Variants in ZYG11B observed in about 807,000 individuals in gnomAD.
ZYG11B encodes the protein zyg-11 family member B, cell cycle regulator, also known as protein zyg-11 homolog B.
A neutral mutation model predicts 82.4 loss-of-function variants in ZYG11B; 36 were observed. The observed-to-expected ratio is 0.44, with a 90% confidence interval of 0.33 to 0.58. ZYG11B has a LOEUF of 0.58. ZYG11B is among the 20% of genes least tolerant of loss of function. The probability of loss-of-function intolerance (pLI) is 0.02; values close to 1 mark genes in which losing one functional copy is unlikely to be tolerated. For missense variants in ZYG11B, 552 were observed against 895.6 expected (o/e 0.62, Z 4.90); for synonymous variants, 303 against 312.8 (o/e 0.97, Z 0.33).
intron 3 of ZYG11B, among the ~76,000 whole-genome samples, chr1:52,778,892 T>C (rs1468633895): frequency 1.3e-5 from 2 of 152,162 alleles, no homozygotes; most frequent in Non-Finnish European, 2.9e-5. Context: ...GATACATTTA[T>C]TTGATGAATA....
intron 1 of ZYG11B, among the ~76,000 whole-genome samples, chr1:52,729,835 G>A (rs1287170001): frequency 1.3e-5 from 2 of 151,942 alleles, no homozygotes; most frequent in African/African-American, 2.4e-5. Context: ...TTGAGGCAGG[G>A]TCTTGCTCTG....
At chr1:52,772,614 G>T in intron 3 of ZYG11B, 1 of 1,199,188 alleles carries the variant, frequency 8.3e-7, no homozygotes, top group Non-Finnish European at 1.2e-6. Context: ...AGCCGACTGG[G>T]ACAGGCCCTT....
At chr1:52,807,545 A>T (rs1484946818) in intron 10 of ZYG11B, among the ~76,000 whole-genome samples, 1 of 144,900 alleles carries the variant, frequency 6.9e-6, no homozygotes, top group Non-Finnish European at 1.5e-5. Context: ...AGGCTGGAGT[A>T]CAGTGGCATG....
At chr1:52,752,310 T>C (rs1571750654) in intron 1 of ZYG11B, among the ~76,000 whole-genome samples, 1 of 152,180 alleles carries the variant, frequency 6.6e-6, no homozygotes, top group East Asian at 1.9e-4. Flanking sequence ...AAGAGATACA[T>C]AGGGCAACCT....
chr1:52,742,709 G>A (rs1166302123), intron 1 of ZYG11B, among the ~76,000 whole-genome samples: 1 of 151,718 alleles, frequency 6.6e-6, no homozygotes, highest in African/African-American at 2.4e-5. Context: ...GGGCGTGGTT[G>A]CAGGCGCCTG....
chr1:52,767,663 G>T (rs540204277), intron 2 of ZYG11B, among the ~76,000 whole-genome samples: 10 of 152,240 alleles, frequency 6.6e-5, no homozygotes, highest in South Asian at 2.1e-4. Context: ...CCAAGGTGCA[G>T]GGCTATGCAG....
chr1:52,782,073 G>A (rs932993171), intron 4 of ZYG11B, among the ~76,000 whole-genome samples: 1 of 151,702 alleles, frequency 6.6e-6, no homozygotes, highest in Non-Finnish European at 1.5e-5. Flanking sequence ...TTATTTATTT[G>A]TTTATTTATT....
intron 6 of ZYG11B, among the ~76,000 whole-genome samples, chr1:52,790,383 TAGAG>T (rs1644946024): frequency 6.6e-6 from 1 of 152,132 alleles, no homozygotes; most frequent in South Asian, 2.1e-4. Flanking sequence ...AAGGCATATA[TAGAG>T]ATTCATTGTC....
chr1:52,806,497 T>C (rs1392182754), intron 10 of ZYG11B, among the ~76,000 whole-genome samples: 2 of 152,196 alleles, frequency 1.3e-5, no homozygotes, highest in African/African-American at 4.8e-5. Flanking sequence ...TTTGAAACTG[T>C]ATTATTAGAT....
chr1:52,756,468 C>T lies in ZYG11B; in HGVS notation c.41C>T (p.Ser14Phe), dbSNP rs1234542259. 4 of 1,609,394 alleles carry T rather than the reference C, an allele frequency of 2.5e-6. No homozygotes were observed. The highest frequency in any genetic ancestry group is 2.7e-5 in the African/African-American group (2 of 74,764). ...DQAGAAMEEA[S>F]PYSLLDICLN... ...TCCCTGGGCTCCAAGGAGGAGGCGT[C>T]TCCCTATTCCTTACTTGATATCTGC... Residue 14 changes from serine to phenylalanine, a missense_variant, in exon 2 of 14, where the codon TCT becomes TTT. Coordinates refer to ENST00000294353, the MANE Select transcript of ZYG11B (RefSeq NM_024646.3).
chr1:52,729,809 G>T (rs1930305), intron 1 of ZYG11B, among the ~76,000 whole-genome samples: 95,342 of 151,766 alleles, frequency 0.63, 31,957 homozygotes, highest in East Asian at 0.97. Flanking sequence ...CCTGAGAGGT[G>T]GCAGTTCTTT....
chr1:52,797,745 G>T (rs987922925), intron 8 of ZYG11B, among the ~76,000 whole-genome samples: 11 of 151,156 alleles, frequency 7.3e-5, no homozygotes, highest in African/African-American at 2.7e-4. Context: ...TCCTGACCTT[G>T]TGATCCGCCC....
chr1:52,814,183 G>A (rs1254329009), intron 12 of ZYG11B, among the ~76,000 whole-genome samples: 2 of 152,050 alleles, frequency 1.3e-5, no homozygotes, highest in Non-Finnish European at 2.9e-5. Flanking sequence ...ACCACGCCCC[G>A]CTAATTTTTG....
At chr1:52,795,147 A>G (rs1330630694) in intron 6 of ZYG11B, among the ~76,000 whole-genome samples, 1 of 152,074 alleles carries the variant, frequency 6.6e-6, no homozygotes, top group Non-Finnish European at 1.5e-5. Flanking sequence ...AGGTGATTGG[A>G]TCATGGGGGT....
At chr1:52,748,661 G>C (rs763851517) in intron 1 of ZYG11B, among the ~76,000 whole-genome samples, 1 of 151,374 alleles carries the variant, frequency 6.6e-6, no homozygotes, top group Non-Finnish European at 1.5e-5. Flanking sequence ...TCAGGAATTC[G>C]AGAGTAGCCT....
Position 52,776,229 on chromosome 1 carries a change from A to ATATATATATATATATATATATATAT in ZYG11B, c.952-3624_952-3623insTATATATATATATATATATATATAT, listed in dbSNP as rs1553260250. 1.3e-3 allele frequency among the ~76,000 whole-genome samples: 30 copies of ATATATATATATATATATATATATAT among 23,540 alleles called. 3 individuals are homozygous for ATATATATATATATATATATATATAT. The highest frequency in any genetic ancestry group is 3.1e-3 in the Non-Finnish European group (27 of 8,660). 15.4% of individuals were successfully genotyped at this position (23,540 alleles called of 152,430 possible). ...AGCAAAACTCTGTCTTAAAAAAAAA[A>ATATATATATATATATATATATATAT]ATATATATATATATATGCAATAAAG... On this transcript the variant is annotated intron_variant, in intron 3 of 13. Transcript: ENST00000294353.
rs1252436417 is a variant in ZYG11B at position 52,762,979 on chromosome 1, G to A, written c.196+6356G>A. Reference sequence around the variant, plus strand: ...GGTTTTTGTAAAGGTGAGAGATTGGGGGGGGGGGGTCTAGTTTCATTCTTT... The same window carrying A: ...GGTTTTTGTAAAGGTGAGAGATTGGAGGGGGGGGGTCTAGTTTCATTCTTT... On this transcript the variant is annotated intron_variant, in intron 2 of 13. Transcript: ENST00000294353. Among the ~76,000 whole-genome samples, 15 of 130,364 alleles carry A rather than the reference G, an allele frequency of 1.2e-4. 2 individuals are homozygous for A. Among genetic ancestry groups the A allele is most frequent in the South Asian group, 1.0e-3 (4 of 3,892 alleles). 85.5% of individuals were successfully genotyped at this position (130,364 alleles called of 152,430 possible).
intron 2 of ZYG11B, among the ~76,000 whole-genome samples, chr1:52,762,556 G>A (rs1417108312): frequency 1.3e-5 from 2 of 151,658 alleles, no homozygotes; most frequent in Non-Finnish European, 2.9e-5. Context: ...TGAATGTCCT[G>A]AAGTGTTTCC....
chr1:52,753,919 CAG>C (rs1304196835), intron 1 of ZYG11B, among the ~76,000 whole-genome samples: 2 of 152,000 alleles, frequency 1.3e-5, no homozygotes, highest in Admixed American at 6.6e-5. Context: ...TTACTAGAGA[CAG>C]GGTTTTACCA....
Sources: gnomAD v4.1 joint callset for allele counts (sites outside exome capture counted in the v4.1 genomes callset) on GRCh38, gnomAD v4.1.1 for gene constraint, MANE v1.5 for transcripts, NCBI Gene and HGNC (gene_info 2026-07-23, HGNC 2026-07-21) for gene names.